Variants in ATIC observed in about 807,000 individuals in gnomAD.
The protein encoded by ATIC is 5-aminoimidazole-4-carboxamide ribonucleotide formyltransferase/IMP cyclohydrolase, also known as bifunctional purine biosynthesis protein ATIC.
A neutral mutation model predicts 72.5 loss-of-function variants in ATIC; 64 were observed. The observed-to-expected ratio is 0.88, with a 90% confidence interval of 0.72 to 1.09. ATIC has a LOEUF of 1.09. Ranked by LOEUF, ATIC falls within the 50% of genes least tolerant of loss-of-function variation. The pLI is 0.00. For synonymous variants in ATIC, 281 were observed against 267.1 expected, an observed-to-expected ratio of 1.05 and a Z score of -0.51; for missense variants, 787 against 732.4, an observed-to-expected ratio of 1.07 and a Z score of -0.86.
At chr2:215,324,629 G>C (rs1290884544) in intron 4 of ATIC, among the ~76,000 whole-genome samples, 1 of 152,102 alleles carries the variant, frequency 6.6e-6, no homozygotes, top group Non-Finnish European at 1.5e-5. Flanking sequence ...GAGCCTGCCC[G>C]TAGAGCTCCT....
At chr2:215,361,988 T>C in the ATIC span, 1 of 1,613,182 alleles carries the variant, frequency 6.2e-7, no homozygotes, top group Non-Finnish European at 8.5e-7. Context: ...TCTCTGATGG[T>C]ATCTCTGAGA....
chr2:215,333,971 G>A (rs1266721116), intron 9 of ATIC, among the ~76,000 whole-genome samples: 1 of 151,592 alleles, frequency 6.6e-6, no homozygotes, highest in African/African-American at 2.4e-5. Flanking sequence ...GAACCCGGCA[G>A]GTGGAACTTG....
intron 3 of ATIC, 41 bp from the exon 4 acceptor site, chr2:215,319,623 GT>G (rs1187566899): frequency 6.4e-6 from 9 of 1,403,592 alleles, no homozygotes; most frequent in African/African-American, 2.8e-5. Flanking sequence ...AATCTGACTT[GT>G]TTTTTGAAGC....
At position 215,312,571 on chromosome 2, in the gene ATIC, G is replaced by T; in HGVS notation, c.93G>T (p.Leu31=). 1.2e-6 allele frequency: 2 copies of T among 1,614,220 alleles called. No homozygotes were observed. The highest frequency in any genetic ancestry group is 1.7e-6 in the Non-Finnish European group (2 of 1,180,040). The change falls in exon 2 of 16, where the codon CTG becomes CTT. Residue 31 remains leucine (L), a synonymous_variant. Coordinates refer to ENST00000236959, the MANE Select transcript of ATIC (RefSeq NM_004044.7). The part of the protein sequence containing the change: ...ARNLTALGLN[L]VASGGTAKAL... The stretch of plus-strand genomic sequence containing the variant: ...ACCTGACCGCTCTTGGTTTGAATCT[G>T]GTCGCTTCCGGAGGGACTGCAAAAG...
rs1404486315 is a variant in ATIC at position 215,338,925 on chromosome 2, T to C, written c.1227+18T>C. 1 of 1,612,130 alleles carries C rather than the reference T, an allele frequency of 6.2e-7. No homozygotes were observed. Among genetic ancestry groups the C allele is most frequent in the Non-Finnish European group, 8.5e-7 (1 of 1,178,786 alleles). On this transcript the variant is annotated intron_variant, in intron 12 of 15. Coordinates refer to ENST00000236959, the MANE Select transcript of ATIC (RefSeq NM_004044.7). Reference sequence around the variant, plus strand: ...ATAAAGATGTAAGTTGGGAAGTATCTGAACTGACTGCTAGTAACTTCCATT... The same window carrying C: ...ATAAAGATGTAAGTTGGGAAGTATCCGAACTGACTGCTAGTAACTTCCATT...
At chr2:215,364,790 C>T in the ATIC span, 18 of 848,410 alleles carry the variant, frequency 2.1e-5, no homozygotes, top group Admixed American at 1.0e-4. Context: ...CGAAGGGTCT[C>T]TGCCCCTCCT....
chr2:215,343,485 C>T (rs974122304), intron 12 of ATIC, among the ~76,000 whole-genome samples: 1 of 152,140 alleles, frequency 6.6e-6, no homozygotes, highest in South Asian at 2.1e-4. Context: ...TACAGGAATG[C>T]GCCACCACAC....
In ATIC at chr2:215,328,310, A is replaced by C. The variant is rs112774938; in HGVS notation, c.688+1332A>C. The stretch of plus-strand genomic sequence containing the variant: ...GGCTTCACAGCACAGTAATCTTTTA[A>C]AAATGGAAATCGGATGATGTCAGAC... On this transcript the variant is annotated intron_variant, in intron 7 of 15. Coordinates refer to ENST00000236959, the MANE Select transcript of ATIC (RefSeq NM_004044.7). Among the ~76,000 whole-genome samples the C allele has an allele frequency of 8.8e-4, 134 of 152,262 alleles. 1 individual carries two copies. Among genetic ancestry groups the C allele is most frequent in the African/African-American group, 3.1e-3 (130 of 41,554 alleles).
intron 2 of ATIC, among the ~76,000 whole-genome samples, chr2:215,313,517 A>G (rs572140536): frequency 3.3e-5 from 5 of 152,332 alleles, no homozygotes; most frequent in East Asian, 1.9e-4. Context: ...GAAAAAAACT[A>G]TAGGATAGCT....
At chr2:215,325,019 G>A (rs1398353443) in intron 4 of ATIC, among the ~76,000 whole-genome samples, 2 of 152,070 alleles carry the variant, frequency 1.3e-5, no homozygotes, top group Non-Finnish European at 2.9e-5. Flanking sequence ...ATTCAGATCC[G>A]GGGAGCACCT....
chr2:215,324,387 C>A lies in ATIC; in HGVS notation c.291-854C>A, dbSNP rs563695133. On this transcript the variant is annotated intron_variant, in intron 4 of 15. Transcript: ENST00000236959. ...CTTTTTGTACATCTATTGAGATGATCAGGTGGTTTTTGCATTTTTCTGGAT... is the reference window on the plus strand; with the variant it reads ...CTTTTTGTACATCTATTGAGATGATAAGGTGGTTTTTGCATTTTTCTGGAT... Among the ~76,000 whole-genome samples the A allele has an allele frequency of 1.1e-4, 16 of 152,180 alleles. No individual in the cohort carries two copies. In the South Asian group the frequency reaches 3.1e-3, roughly 30 times the overall value.
chr2:215,345,038 A>G, intron 13 of ATIC, 167 bp downstream of exon 13: 2 of 721,176 alleles, frequency 2.8e-6, no homozygotes, highest in Non-Finnish European at 2.4e-6. Context: ...TGTTAAAACT[A>G]ATGATGATCA....
intron 11 of ATIC, 67 bp from the exon 12 acceptor site, chr2:215,338,712 A>T: frequency 6.6e-7 from 1 of 1,520,728 alleles, no homozygotes; most frequent in East Asian, 2.4e-5. Flanking sequence ...TCTTTTGTAT[A>T]TAAATTAAAT....
chr2:215,353,809 G>A (rs1047021237), downstream of ATIC, among the ~76,000 whole-genome samples: 6 of 152,040 alleles, frequency 3.9e-5, no homozygotes, highest in African/African-American at 7.2e-5. Context: ...TGATCTGCCC[G>A]CCTCGGCCTT....
At position 215,349,129 on chromosome 2, in the gene ATIC, G is replaced by A; in HGVS notation, c.1539G>A (p.Glu513=). 6.2e-7 allele frequency: 1 copy of A among 1,614,102 alleles called. No homozygotes were observed. The highest frequency in any genetic ancestry group is 8.5e-7 in the Non-Finnish European group (1 of 1,180,010). The change falls in exon 15 of 16, where the codon GAG becomes GAA. Residue 513 remains glutamate, a synonymous_variant. Transcript: ENST00000236959. ...EDLIKWKALF[E]EVPELLTEAE... ...TGATAAAGTGGAAGGCACTGTTTGA[G>A]GAAGTCCCTGAGTTACTCACTGAGG...
chr2:215,368,111 C>T, the ATIC span: 1 of 1,375,784 alleles, frequency 7.3e-7, no homozygotes, highest in Admixed American at 1.8e-5. Flanking sequence ...TGACTGTATA[C>T]AATGACTTAA....
At chr2:215,353,216 AT>A (rs1350499175), downstream of ATIC, among the ~76,000 whole-genome samples, 1 of 152,098 alleles carries the variant, frequency 6.6e-6, no homozygotes, top group African/African-American at 2.4e-5. Flanking sequence ...TTTGAGGCCT[AT>A]TTTTACTATC....
intron 15 of ATIC, 100 bp from the exon 16 acceptor site, chr2:215,349,436 T>C (rs1274876909): frequency 6.3e-7 from 1 of 1,599,428 alleles, no homozygotes; most frequent in African/African-American, 1.3e-5. Context: ...CCTTTTTGAC[T>C]GAGTGTATCT....
At chr2:215,361,631 T>TA in the ATIC span, 14 of 1,607,446 alleles carry the variant, frequency 8.7e-6, no homozygotes, top group East Asian at 1.8e-4. Context: ...AACATTCTGT[T>TA]AAAAAGGAAG....
Sources: allele counts gnomAD v4.1 joint callset (sites outside exome capture counted in the v4.1 genomes callset), GRCh38; gene constraint gnomAD v4.1.1; transcripts MANE v1.5; gene names NCBI Gene and HGNC (gene_info 2026-07-23, HGNC 2026-07-21).